CADPS2: variants seen among roughly 807,000 people sequenced by gnomAD.
CADPS2 encodes the protein calcium dependent secretion activator 2, also known as calcium-dependent secretion activator 2.
In CADPS2, 93 loss-of-function variants were observed where a neutral mutation model predicts 172.5. That is an observed-to-expected ratio of 0.54 (90% CI 0.46 to 0.64). The LOEUF is 0.64. CADPS2 is among the 30% of genes least tolerant of loss of function. The probability of loss-of-function intolerance (pLI) is 0.00; values close to 1 mark genes in which losing one functional copy is unlikely to be tolerated. For synonymous variants in CADPS2, 546 were observed against 555.2 expected (o/e 0.98, Z 0.23); for missense variants, 1,420 against 1,565.9 (o/e 0.91, Z 1.57).
rs529224494 is a variant in CADPS2, at chr7:122,768,413, T to C, written c.340-31345A>G. On this transcript the variant is annotated intron_variant, in intron 1 of 29. Coordinates refer to ENST00000449022, the MANE Select transcript of CADPS2 (RefSeq NM_017954.11). ...TATTCCTACTTTGTTTCAAAACTGA[T>C]TTAGGACATTTCTAAAATTAAATAT... Among the ~76,000 whole-genome samples the C allele has an allele frequency of 3.9e-5, 6 of 152,268 alleles. No individual in the cohort carries two copies. In the South Asian group the frequency reaches 1.0e-3, roughly 26 times the overall value.
chr7:122,466,903 G>A (rs2055215585), intron 14 of CADPS2, among the ~76,000 whole-genome samples: 1 of 152,036 alleles, frequency 6.6e-6, no homozygotes, highest in Admixed American at 6.6e-5. Flanking sequence ...AACACACCAA[G>A]TCTTTCCCTT....
At chr7:122,820,805 C>G (rs1239979293) in intron 1 of CADPS2, among the ~76,000 whole-genome samples, 1 of 137,258 alleles carries the variant, frequency 7.3e-6, no homozygotes, top group Non-Finnish European at 1.6e-5. Flanking sequence ...GTGATCCGCC[C>G]GCCTCGGCCT....
At chr7:122,544,200 ATAAAG>A (rs1006828387) in intron 8 of CADPS2, among the ~76,000 whole-genome samples, 1 of 152,176 alleles carries the variant, frequency 6.6e-6, no homozygotes, top group African/African-American at 2.4e-5. Context: ...GATGAAATGG[ATAAAG>A]TACAGTATGT....
At chr7:122,819,423 CT>C (rs1262782385) in intron 1 of CADPS2, among the ~76,000 whole-genome samples, 1 of 152,154 alleles carries the variant, frequency 6.6e-6, no homozygotes, top group Non-Finnish European at 1.5e-5. Context: ...TGGAAGCCCC[CT>C]AGACCATCAC....
At chr7:122,841,615 C>T (rs1043983696) in intron 1 of CADPS2, among the ~76,000 whole-genome samples, 2 of 151,976 alleles carry the variant, frequency 1.3e-5, no homozygotes, top group Admixed American at 6.6e-5. Context: ...CAAGCTTTGC[C>T]GCAAGAGTAG....
intron 6 of CADPS2, among the ~76,000 whole-genome samples, chr7:122,587,637 G>A (rs946779541): frequency 3.3e-5 from 5 of 152,088 alleles, no homozygotes; most frequent in Admixed American, 6.6e-5. Context: ...CCCAGTAATG[G>A]GATTGCTGTG....
At chr7:122,343,264 G>A (rs1212947357) in intron 28 of CADPS2, among the ~76,000 whole-genome samples, 1 of 152,136 alleles carries the variant, frequency 6.6e-6, no homozygotes, top group African/African-American at 2.4e-5. Flanking sequence ...CAAGTCCAGT[G>A]TTCTACCGGG....
chr7:122,874,824 G>T (rs1043760036), intron 1 of CADPS2, among the ~76,000 whole-genome samples: 16 of 152,176 alleles, frequency 1.1e-4, no homozygotes, highest in African/African-American at 3.6e-4. Flanking sequence ...AAACTGGCTA[G>T]CCATATGCAG....
intron 17 of CADPS2, among the ~76,000 whole-genome samples, chr7:122,427,596 A>G (rs2049329523): frequency 6.6e-6 from 1 of 152,098 alleles, no homozygotes. Flanking sequence ...TCATTTTACC[A>G]CTGATTTGTC....
chr7:122,687,083 C>T (rs973969070), intron 2 of CADPS2, among the ~76,000 whole-genome samples: 1 of 152,182 alleles, frequency 6.6e-6, no homozygotes, highest in Non-Finnish European at 1.5e-5. Flanking sequence ...AGCAGAAAGG[C>T]AGCCTACATC....
Position 122,643,774 on chromosome 7 carries a change from G to GGGA in CADPS2, c.787-14449_787-14447dup, listed in dbSNP as rs548255507. 5.0e-4 allele frequency among the ~76,000 whole-genome samples: 76 copies of GGGA among 152,026 alleles called. 1 individual carries two copies. In the East Asian group the frequency reaches 0.014, roughly 29 times the overall value. ...GGGAAGGGGAGATGAAAAGAGTGAGGGGAGGAAGCAAGTGAAGAAGAATAT... is the reference window on the plus strand; with the variant it reads ...GGGAAGGGGAGATGAAAAGAGTGAGGGGAGGAGGAAGCAAGTGAAGAAGAATAT... On this transcript the variant is annotated intron_variant, in intron 3 of 29. Coordinates refer to ENST00000449022, the MANE Select transcript of CADPS2 (RefSeq NM_017954.11).
intron 1 of CADPS2, among the ~76,000 whole-genome samples, chr7:122,770,056 A>T (rs2093662082): frequency 6.6e-6 from 1 of 152,230 alleles, no homozygotes; most frequent in Non-Finnish European, 1.5e-5. Flanking sequence ...AGCCTGACAC[A>T]TAGAAAGGTT....
At chr7:122,402,604 G>A (rs1011716105) in intron 20 of CADPS2, among the ~76,000 whole-genome samples, 1 of 152,060 alleles carries the variant, frequency 6.6e-6, no homozygotes, top group Non-Finnish European at 1.5e-5. Flanking sequence ...CAGCTATAAA[G>A]TTTTCAAGCC....
At chr7:122,429,124 T>G (rs1264394724) in intron 17 of CADPS2, among the ~76,000 whole-genome samples, 1 of 152,058 alleles carries the variant, frequency 6.6e-6, no homozygotes, top group Non-Finnish European at 1.5e-5. Flanking sequence ...ACTTGATAGC[T>G]TCTCAATACT....
At chr7:122,351,958 T>A (rs1442359867) in intron 27 of CADPS2, among the ~76,000 whole-genome samples, 2 of 152,190 alleles carry the variant, frequency 1.3e-5, no homozygotes, top group Non-Finnish European at 2.9e-5. Context: ...AAGTTTCTTT[T>A]AAATATTAAA....
chr7:122,664,278 G>A (rs2080942738), intron 2 of CADPS2, among the ~76,000 whole-genome samples: 2 of 151,958 alleles, frequency 1.3e-5, no homozygotes, highest in Non-Finnish European at 2.9e-5. Flanking sequence ...CCAACAGCTG[G>A]GGGGCTAGAA....
At position 122,451,464 on chromosome 7, in the gene CADPS2, A is replaced by G. The variant is rs1453353132; in HGVS notation, c.2198T>C (p.Ile733Thr). Residue 733 changes from isoleucine (I) to threonine (T), a missense_variant, in exon 15 of 30, where the codon ATT becomes ACT. Coordinates refer to ENST00000449022, the MANE Select transcript of CADPS2 (RefSeq NM_017954.11). ...TTTTTCTTCCACTGAAACAGTCCCA[A>G]TTCCATCAGGCCTGAAAAAAAAATC... ...SHVHGNRPDG[I>T]GTVSVEEKER... 6.4e-7 allele frequency: 1 copy of G among 1,572,308 alleles called. No homozygotes were observed. Among genetic ancestry groups the G allele is most frequent in the South Asian group, 1.2e-5 (1 of 82,994 alleles).
At chr7:122,671,118 T>C (rs2081800098) in intron 2 of CADPS2, among the ~76,000 whole-genome samples, 1 of 152,186 alleles carries the variant, frequency 6.6e-6, no homozygotes, top group Admixed American at 6.5e-5. Context: ...CTTTTCTTTT[T>C]TCTTTAAAAT....
chr7:122,852,324 T>C (rs983712918), intron 1 of CADPS2, among the ~76,000 whole-genome samples: 2 of 152,200 alleles, frequency 1.3e-5, no homozygotes, highest in East Asian at 3.9e-4. Context: ...CATTGTTCTA[T>C]GAACAAAACT....
Sources: gnomAD v4.1 joint callset for allele counts (sites outside exome capture counted in the v4.1 genomes callset) on GRCh38, gnomAD v4.1.1 for gene constraint, MANE v1.5 for transcripts, NCBI Gene and HGNC (gene_info 2026-07-23, HGNC 2026-07-21) for gene names.